ADCY6: variants seen among roughly 807,000 people sequenced by gnomAD.
The protein encoded by ADCY6 is adenylate cyclase 6.
A neutral mutation model predicts 111.6 loss-of-function variants in ADCY6; 59 were observed. The ratio of observed to expected loss-of-function variants is 0.53; its 90% CI spans 0.43 to 0.66. The LOEUF (loss-of-function observed/expected upper bound fraction) is 0.66, where lower values mean the gene tolerates loss of function less well. Ranked by LOEUF, ADCY6 falls within the 30% of genes least tolerant of loss-of-function variation. ADCY6 has a pLI of 0.00. For missense variants in ADCY6, 1,242 were observed against 1,595.6 expected (o/e 0.78, Z 3.78); for synonymous variants, 576 against 642.9 (o/e 0.90, Z 1.57).
At position 48,783,142 on chromosome 12, in the gene ADCY6, G is replaced by A. The variant is rs773856767; in HGVS notation, c.293C>T (p.Thr98Met). 13 of 1,608,084 alleles carry A rather than the reference G, an allele frequency of 8.1e-6. No homozygotes were observed. In the Middle Eastern group the frequency reaches 6.6e-4, roughly 81 times the overall value. Residue 98 changes from threonine (T) to methionine (M), a missense_variant, in exon 2 of 22, where the codon ACG (threonine) becomes ATG (methionine). Transcript: ENST00000357869. ...ALGFEDTEVT[T>M]TAGGTAEVAP... Reference sequence around the variant, plus strand: ...CACCTCAGCCGTCCCGCCCGCTGTCGTTGTCACCTCGGTATCCTCGAAGCC... The same window carrying A: ...CACCTCAGCCGTCCCGCCCGCTGTCATTGTCACCTCGGTATCCTCGAAGCC...
chr12:48,777,848 T>G lies in ADCY6; in HGVS notation c.1015-112A>C. On this transcript the variant is annotated intron_variant, in intron 3 of 21. Coordinates refer to ENST00000357869, the MANE Select transcript of ADCY6 (RefSeq NM_015270.5). This position sits in a 1 kb window ranked among gnomAD's most constrained non-coding sequence, Gnocchi z 4.9. ...CCTAGACTTCTCTGAAGACCTGACC[T>G]TCCCTTCTGGACTGTGGCCTGACCT... 1 of 1,499,194 alleles carries G rather than the reference T, an allele frequency of 6.7e-7. No homozygotes were observed. The highest frequency in any genetic ancestry group is 1.4e-5 in the African/African-American group (1 of 72,482). 92.9% of individuals were successfully genotyped at this position (1,499,194 alleles called of 1,614,324 possible).
intron 15 of ADCY6, 74 bp from the exon 16 acceptor site, chr12:48,773,721 T>A: frequency 2.6e-6 from 4 of 1,566,984 alleles, no homozygotes; most frequent in Non-Finnish European, 3.5e-6. Context: ...AGCCCTGCAC[T>A]CTCCTGCCTG....
rs762021152 is a variant in ADCY6, at chr12:48,782,861, C to T, written c.574G>A (p.Val192Met). The T allele has an allele frequency of 1.4e-5, 22 of 1,613,916 alleles. No homozygotes were observed. The highest frequency in any genetic ancestry group is 5.0e-5 in the Admixed American group (3 of 60,014). ...ALLACAAALFVGLMVVCNRHS... is the reference protein window; with the variant it reads ...ALLACAAALFMGLMVVCNRHS... The stretch of plus-strand genomic sequence containing the variant: ...CGGTTACACACCACCATGAGCCCCA[C>T]GAACAGGGCGGCGGCACAGGCCAAC... Residue 192 changes from valine (V) to methionine (M), a missense_variant, in exon 2 of 22, where the codon GTG becomes ATG. Around this residue, in one of 4 missense-constraint regions of ADCY6, gnomAD observed 362 missense variants for 377.2 expected, o/e 0.96. Coordinates refer to ENST00000357869, the MANE Select transcript of ADCY6 (RefSeq NM_015270.5). This position sits in a 1 kb window ranked among gnomAD's most constrained non-coding sequence, Gnocchi z 4.3.
rs1941755985 is a variant in ADCY6 at position 48,778,182 on chromosome 12, GA to G, written c.939del (p.Gln314SerfsTer41). 5 of 1,614,172 alleles carry G rather than the reference GA, an allele frequency of 3.1e-6. No individual in the cohort carries two copies. The highest frequency in any genetic ancestry group is 4.2e-6 in the Non-Finnish European group (5 of 1,180,028). ...CGGGTCTCCTGAAAGGCCTGGCGCT[GA>G]GACACCTCTGCTGGATAGTGTGTGC... The part of the protein sequence containing the change: ...GICTHYPAEV[S>X]QRQAFQETRG... On this transcript the variant is annotated frameshift_variant, in exon 3 of 22. Transcript: ENST00000357869. LOFTEE classifies it high-confidence loss of function.
intron 16 of ADCY6, 68 bp from the exon 17 acceptor site, chr12:48,772,611 G>A: frequency 6.4e-7 from 1 of 1,572,596 alleles, no homozygotes; most frequent in Non-Finnish European, 8.7e-7. Context: ...ACATGGAAGG[G>A]GAGACAAGAG....
At chr12:48,787,911 G>A (rs922598132) in intron 1 of ADCY6, among the ~76,000 whole-genome samples, 1 of 152,178 alleles carries the variant, frequency 6.6e-6, no homozygotes, top group Non-Finnish European at 1.5e-5. Flanking sequence ...CAGCCCTAAG[G>A]ATGGCTCTGC....
At chr12:48,770,273 A>G (rs1462549484) in intron 20 of ADCY6, among the ~76,000 whole-genome samples, 1 of 152,116 alleles carries the variant, frequency 6.6e-6, no homozygotes, top group Admixed American at 6.5e-5. Context: ...AGGTAACTGA[A>G]GCTTAGAGAA....
At chr12:48,774,207 C>T (rs1941631666) in intron 14 of ADCY6, 109 bp from the exon 15 acceptor site, 3 of 1,164,662 alleles carry the variant, frequency 2.6e-6, no homozygotes, top group Non-Finnish European at 3.7e-6. Context: ...CCTTATACCC[C>T]ATGGGCCTTA....
At chr12:48,775,605 G>A in intron 10 of ADCY6, 68 bp downstream of exon 10, 3 of 1,588,788 alleles carry the variant, frequency 1.9e-6, no homozygotes, top group South Asian at 2.2e-5. Flanking sequence ...GGAAAAGGAG[G>A]ATCTCGGCTC....
chr12:48,769,722 G>A (rs1480523944), intron 20 of ADCY6, among the ~76,000 whole-genome samples: 6 of 149,432 alleles, frequency 4.0e-5, no homozygotes, highest in Non-Finnish European at 1.5e-5. Context: ...GAGTAGCTGG[G>A]ATTACAGACA....
At chr12:48,774,229 G>T in intron 14 of ADCY6, 131 bp from the exon 15 acceptor site, 1 of 1,074,880 alleles carries the variant, frequency 9.3e-7, no homozygotes, top group Non-Finnish European at 1.4e-6. Flanking sequence ...TACTCACTCA[G>T]GGATGACAAG....
chr12:48,781,153 G>A (rs1177636213), intron 2 of ADCY6, among the ~76,000 whole-genome samples: 4 of 150,684 alleles, frequency 2.7e-5, no homozygotes, highest in East Asian at 1.9e-4. Context: ...AGCTGAGATC[G>A]CGCCACTGCA....
In ADCY6 at chr12:48,782,467, T is replaced by A. The variant is rs1180760940; in HGVS notation, c.864+104A>T. On this transcript the variant is annotated intron_variant, in intron 2 of 21. Transcript: ENST00000357869. This position sits in a 1 kb window ranked among gnomAD's most constrained non-coding sequence, Gnocchi z 4.3. Reference sequence around the variant, plus strand: ...CAGCCAGACATCCCTGCACCCAGCTTCCACCCATGACTCACCCGCCCTTCC... The same window carrying A: ...CAGCCAGACATCCCTGCACCCAGCTACCACCCATGACTCACCCGCCCTTCC... 2 of 1,472,142 alleles carry A rather than the reference T, an allele frequency of 1.4e-6. No individual in the cohort carries two copies. The highest frequency in any genetic ancestry group is 4.9e-5 in the East Asian group (2 of 40,740). 91.2% of individuals were successfully genotyped at this position (1,472,142 alleles called of 1,614,324 possible). A position where few individuals can be genotyped will look rare whatever the true frequency, so the allele number is the denominator to read the frequency against.
In ADCY6 at chr12:48,771,496, C is replaced by G. The variant is rs1941540321; in HGVS notation, c.3051+214G>C. On this transcript the variant is annotated intron_variant, in intron 19 of 21. Coordinates refer to ENST00000357869, the MANE Select transcript of ADCY6 (RefSeq NM_015270.5). This position sits in a 1 kb window ranked among gnomAD's most constrained non-coding sequence, Gnocchi z 4.3. The stretch of plus-strand genomic sequence containing the variant: ...GATCAAGTCCTCCCCTGCTCCCCAA[C>G]AGTGATGACCCTGCCCCACTAGGGC... 1 of 717,586 alleles carries G rather than the reference C, an allele frequency of 1.4e-6. No homozygotes were observed. The highest frequency in any genetic ancestry group is 2.4e-6 in the Non-Finnish European group (1 of 411,440). 44.5% of individuals were successfully genotyped at this position (717,586 alleles called of 1,614,324 possible).
intron 2 of ADCY6, among the ~76,000 whole-genome samples, chr12:48,781,750 GA>G (rs1488334679): frequency 6.6e-6 from 1 of 152,146 alleles, no homozygotes. Context: ...AGATCCCACA[GA>G]AAAGAATACA....
Position 48,775,643 on chromosome 12 carries a change from G to A in ADCY6, c.1832+30C>T, listed in dbSNP as rs372719896. On this transcript the variant is annotated intron_variant, in intron 10 of 21. Transcript: ENST00000357869. ...CCCAGCCCCATCCCAGGGTGCAAGT[G>A]CCTTCTCCCTCCTCAGTAACCTGAC... is the stretch of plus-strand genomic sequence containing the variant. The A allele has an allele frequency of 4.4e-6, 7 of 1,606,780 alleles. No homozygotes were observed. In the African/African-American group the frequency reaches 8.0e-5, roughly 18 times the overall value.
intron 1 of ADCY6, among the ~76,000 whole-genome samples, chr12:48,788,662 G>A (rs1181286999): frequency 1.3e-5 from 2 of 152,030 alleles, no homozygotes; most frequent in Admixed American, 1.3e-4. Flanking sequence ...AACTCGCCCC[G>A]TGGAGGGAGG....
chr12:48,789,966 T>C (rs1375655503), upstream of ADCY6: 1 of 152,262 alleles, frequency 6.6e-6, no homozygotes, highest in Non-Finnish European at 1.5e-5. Context: ...GTGCACGAAC[T>C]GAGAAACTGG....
At chr12:48,786,677 A>G (rs1268092462) in intron 1 of ADCY6, among the ~76,000 whole-genome samples, 2 of 152,122 alleles carry the variant, frequency 1.3e-5, no homozygotes, top group Non-Finnish European at 2.9e-5. Context: ...CAACCTCTTA[A>G]CATCACCAAC....
Sources: gnomAD v4.1 joint callset for allele counts (sites outside exome capture counted in the v4.1 genomes callset) on GRCh38, gnomAD v4.1.1 for gene constraint, gnomAD v4.1.1 regional missense constraint, Gnocchi (gnomAD v3.1) non-coding constraint, MANE v1.5 for transcripts, NCBI Gene and HGNC (gene_info 2026-07-23, HGNC 2026-07-21) for gene names.